SUPT3H: variants seen among roughly 807,000 people sequenced by gnomAD.
SUPT3H encodes transcription initiation protein SPT3 homolog.
SUPT3H carries 44 observed loss-of-function variants against 44.3 expected under a neutral mutation model. The ratio of observed to expected loss-of-function variants is 0.99; its 90% confidence interval spans 0.78 to 1.28. SUPT3H has a LOEUF of 1.28. Among genes scored for constraint, SUPT3H ranks in the 50% most tolerant of loss-of-function variants. SUPT3H has a pLI of 0.00. For synonymous variants in SUPT3H, 124 were observed against 125.6 expected (o/e 0.99, Z 0.09); for missense variants, 380 against 387.1 (o/e 0.98, Z 0.15).
chr6:45,179,497 A>G (rs1209361204), intron 2 of SUPT3H, among the ~76,000 whole-genome samples: 3 of 152,290 alleles, frequency 2.0e-5, no homozygotes, highest in South Asian at 2.1e-4. Flanking sequence ...CTGGCAAACC[A>G]AATCCAGCAG....
At chr6:45,142,465 G>C (rs749364914) in intron 2 of SUPT3H, among the ~76,000 whole-genome samples, 1 of 151,952 alleles carries the variant, frequency 6.6e-6, no homozygotes, top group African/African-American at 2.4e-5. Flanking sequence ...TGCCAGGAGC[G>C]GTGGCTCACG....
chr6:45,007,526 T>G (rs2153508123), intron 5 of SUPT3H, among the ~76,000 whole-genome samples: 1 of 152,228 alleles, frequency 6.6e-6, no homozygotes, highest in South Asian at 2.1e-4. Context: ...AAGAGTGACT[T>G]TTTGACAAAA....
chr6:45,194,853 C>T (rs950242757), intron 2 of SUPT3H, among the ~76,000 whole-genome samples: 8 of 152,072 alleles, frequency 5.3e-5, no homozygotes, highest in African/African-American at 1.9e-4. Flanking sequence ...TCTCAGAATG[C>T]TTAGCAATTT....
intron 2 of SUPT3H, among the ~76,000 whole-genome samples, chr6:45,335,214 T>A (rs975291715): frequency 4.6e-5 from 7 of 151,246 alleles, no homozygotes; most frequent in Non-Finnish European, 1.0e-4. Flanking sequence ...AACTTCCCAG[T>A]TTAAGACTTC....
chr6:45,237,530 G>T (rs1308392581), intron 2 of SUPT3H, among the ~76,000 whole-genome samples: 1 of 152,140 alleles, frequency 6.6e-6, no homozygotes, highest in African/African-American at 2.4e-5. Context: ...TATGTCCCTG[G>T]TATGGGACTA....
At chr6:45,236,441 T>C (rs377421247) in intron 2 of SUPT3H, among the ~76,000 whole-genome samples, 1 of 152,054 alleles carries the variant, frequency 6.6e-6, no homozygotes, top group Non-Finnish European at 1.5e-5. Flanking sequence ...ACACTGATGA[T>C]GAGGAGGAAG....
intron 10 of SUPT3H, among the ~76,000 whole-genome samples, chr6:44,892,185 A>G (rs553290644): frequency 7.9e-5 from 12 of 152,106 alleles, no homozygotes; most frequent in African/African-American, 2.9e-4. Context: ...TGAACCCCTA[A>G]CCCCCAATGT....
intron 5 of SUPT3H, among the ~76,000 whole-genome samples, chr6:45,008,659 T>A (rs1379879887): frequency 6.6e-6 from 1 of 152,102 alleles, no homozygotes; most frequent in Non-Finnish European, 1.5e-5. Context: ...TCGGCCTTGT[T>A]TTTATCTTTT....
intron 1 of SUPT3H, among the ~76,000 whole-genome samples, chr6:45,372,867 T>C (rs753657234): frequency 4.6e-5 from 7 of 151,860 alleles, no homozygotes; most frequent in Non-Finnish European, 8.8e-5. Flanking sequence ...ACCCAGGCTG[T>C]AGTGTAATGG....
At chr6:45,062,484 C>T (rs1032994554) in intron 3 of SUPT3H, among the ~76,000 whole-genome samples, 17 of 151,296 alleles carry the variant, frequency 1.1e-4, no homozygotes, top group Middle Eastern at 3.4e-3. Flanking sequence ...GGAACAGCTC[C>T]GGTCTACAGC....
intron 3 of SUPT3H, among the ~76,000 whole-genome samples, chr6:45,070,113 G>A (rs1036895044): frequency 1.3e-5 from 2 of 152,082 alleles, no homozygotes; most frequent in African/African-American, 4.8e-5. Context: ...AAGCATAGAA[G>A]AAAATCTGCA....
At chr6:44,950,471 G>A (rs1409699010) in intron 9 of SUPT3H, among the ~76,000 whole-genome samples, 3 of 152,094 alleles carry the variant, frequency 2.0e-5, no homozygotes, top group African/African-American at 4.8e-5. Context: ...AAAAATAGCC[G>A]AGCATAGTGG....
intron 9 of SUPT3H, among the ~76,000 whole-genome samples, chr6:44,945,199 G>A (rs1773151123): frequency 1.3e-5 from 2 of 152,104 alleles, no homozygotes; most frequent in African/African-American, 4.8e-5. Flanking sequence ...TAATAAAAGT[G>A]TTTGTTCCGA....
In SUPT3H at chr6:45,248,702, G is replaced by T. The variant is rs539465819; in HGVS notation, c.101+116499C>A. Among the ~76,000 whole-genome samples, 4 of 152,196 alleles carry T rather than the reference G, an allele frequency of 2.6e-5. No homozygotes were observed. In the South Asian group the frequency reaches 8.3e-4, roughly 32 times the overall value. On this transcript the variant is annotated intron_variant, in intron 2 of 10. Coordinates refer to ENST00000371459, the MANE Select transcript of SUPT3H (RefSeq NM_003599.4). ...GAGGCCAAGGTGGATAGATCACGAG[G>T]TCAGGAGATCGAGACCACCCTGGTC...
chr6:45,105,067 A>T (rs1799085296), intron 3 of SUPT3H, among the ~76,000 whole-genome samples: 1 of 152,012 alleles, frequency 6.6e-6, no homozygotes, highest in African/African-American at 2.4e-5. Flanking sequence ...ACATATACTA[A>T]ACCCTTAGTA....
chr6:45,122,490 C>T lies in SUPT3H; in HGVS notation c.102-16484G>A, dbSNP rs1210681499. ...TTGATGTTTAAAATGTCTCTTTAAG[C>T]TATTTGCTAGCAAAACAAAACAACA... On this transcript the variant is annotated intron_variant, in intron 2 of 10. Transcript: ENST00000371459. Among the ~76,000 whole-genome samples, 6 of 152,166 alleles carry T rather than the reference C, an allele frequency of 3.9e-5. No homozygotes were observed. In the East Asian group the frequency reaches 1.2e-3, roughly 29 times the overall value.
intron 5 of SUPT3H, among the ~76,000 whole-genome samples, chr6:45,014,077 T>C (rs1219718336): frequency 6.6e-6 from 1 of 152,074 alleles, no homozygotes; most frequent in East Asian, 1.9e-4. Context: ...CATCCTTACA[T>C]AGCCATTTCA....
At chr6:45,139,777 T>A (rs571674253) in intron 2 of SUPT3H, among the ~76,000 whole-genome samples, 6 of 152,000 alleles carry the variant, frequency 3.9e-5, no homozygotes, top group African/African-American at 1.4e-4. Context: ...CCCACCTTCA[T>A]ATATCTCACA....
intron 2 of SUPT3H, among the ~76,000 whole-genome samples, chr6:45,202,887 G>T (rs887219545): frequency 6.6e-6 from 1 of 151,848 alleles, no homozygotes; most frequent in African/African-American, 2.4e-5. Context: ...AATATAAATT[G>T]AAGAAATCCT....
Sources: allele counts gnomAD v4.1 joint callset (sites outside exome capture counted in the v4.1 genomes callset), GRCh38; gene constraint gnomAD v4.1.1; transcripts MANE v1.5; gene names NCBI Gene and HGNC (gene_info 2026-07-23, HGNC 2026-07-21).